The following CADM2 variants were observed in gnomAD, a reference collection of about 807,000 sequenced individuals.
CADM2 encodes cell adhesion molecule 2.
Under a neutral mutation model 49.8 loss-of-function variants are expected in CADM2, and 12 were observed. The observed-to-expected ratio is 0.24, with a 90% confidence interval of 0.15 to 0.39. The LOEUF (loss-of-function observed/expected upper bound fraction) is 0.39. CADM2 is among the 10% of genes least tolerant of loss of function. CADM2 has a pLI of 1.00. For missense variants in CADM2, 378 were observed against 492.3 expected (o/e 0.77, Z 2.20); for synonymous variants, 214 against 175.4 (o/e 1.22, Z -1.74).
chr3:85,467,758 C>A (rs958830729), intron 1 of CADM2, among the ~76,000 whole-genome samples: 1 of 152,088 alleles, frequency 6.6e-6, no homozygotes, highest in African/African-American at 2.4e-5. Flanking sequence ...ACACATACAC[C>A]ATTTTATCTT....
chr3:85,284,331 A>T (rs989292147), intron 1 of CADM2, among the ~76,000 whole-genome samples: 2 of 152,126 alleles, frequency 1.3e-5, no homozygotes, highest in African/African-American at 4.8e-5. Flanking sequence ...ATTTCCATGG[A>T]TATAGAAAAA....
chr3:85,839,874 TG>T (rs980671714), intron 3 of CADM2, among the ~76,000 whole-genome samples: 1 of 151,934 alleles, frequency 6.6e-6, no homozygotes, highest in Non-Finnish European at 1.5e-5. Context: ...CATTGCCATC[TG>T]AGAGTTCCGA....
At chr3:85,111,817 G>A (rs951668646) in intron 1 of CADM2, among the ~76,000 whole-genome samples, 3 of 151,814 alleles carry the variant, frequency 2.0e-5, no homozygotes. Flanking sequence ...TTAAGGAAAT[G>A]CCATCAACTT....
intron 8 of CADM2, among the ~76,000 whole-genome samples, chr3:86,025,953 C>A (rs907712187): frequency 4.0e-5 from 6 of 151,882 alleles, no homozygotes; most frequent in Non-Finnish European, 7.4e-5. Flanking sequence ...TTACAGCAGT[C>A]CAAAAGAGAA....
intron 3 of CADM2, among the ~76,000 whole-genome samples, chr3:85,820,963 C>A (rs1418053075): frequency 6.6e-6 from 1 of 152,100 alleles, no homozygotes. Flanking sequence ...ATTTGACTTG[C>A]AGAATTCTAC....
intron 1 of CADM2, among the ~76,000 whole-genome samples, chr3:85,254,534 C>G (rs942347775): frequency 2.0e-5 from 3 of 152,036 alleles, no homozygotes; most frequent in African/African-American, 7.2e-5. Context: ...ACCTAGAGTC[C>G]TGAGTCACCA....
chr3:85,384,845 GA>G (rs2034127209), intron 1 of CADM2, among the ~76,000 whole-genome samples: 1 of 151,472 alleles, frequency 6.6e-6, no homozygotes, highest in South Asian at 2.1e-4. Context: ...TTTATTTCAG[GA>G]AAAAAGAAAG....
At chr3:85,245,284 G>A (rs1055965199) in intron 1 of CADM2, among the ~76,000 whole-genome samples, 1 of 152,134 alleles carries the variant, frequency 6.6e-6, no homozygotes, top group Non-Finnish European at 1.5e-5. Context: ...AGGCCGAGGC[G>A]GGCGGATCAC....
At chr3:85,502,534 A>C (rs1279214251) in intron 1 of CADM2, among the ~76,000 whole-genome samples, 1 of 152,140 alleles carries the variant, frequency 6.6e-6, no homozygotes, top group African/African-American at 2.4e-5. Flanking sequence ...CCAATAACTT[A>C]ATTATCTGCA....
chr3:85,751,572 T>C (rs1406971567), intron 2 of CADM2, among the ~76,000 whole-genome samples: 7 of 152,180 alleles, frequency 4.6e-5, no homozygotes, highest in Admixed American at 4.6e-4. Context: ...ATTTAACATG[T>C]GTTTCTCAGA....
chr3:85,311,123 G>A (rs964471289), intron 1 of CADM2, among the ~76,000 whole-genome samples: 2 of 151,498 alleles, frequency 1.3e-5, no homozygotes, highest in Non-Finnish European at 2.9e-5. Context: ...CTCATAATTC[G>A]GCATATATGT....
rs137915574 is a variant in CADM2, at chr3:85,657,472, A to G, written c.62-69050A>G. Reference sequence around the variant, plus strand: ...AATCTTAGTCAAATTACCATGAGAAAAGAGGGAATGTAATGTTTCTGTCTC... The same window carrying G: ...AATCTTAGTCAAATTACCATGAGAAGAGAGGGAATGTAATGTTTCTGTCTC... On this transcript the variant is annotated intron_variant, in intron 1 of 9. Coordinates refer to ENST00000383699, the MANE Select transcript of CADM2 (RefSeq NM_001167675.2). Among the ~76,000 whole-genome samples the G allele has an allele frequency of 2.6e-3, 398 of 152,088 alleles. 4 individuals are homozygous for G. Among genetic ancestry groups the G allele is most frequent in the African/African-American group, 9.2e-3 (384 of 41,536 alleles).
intron 1 of CADM2, among the ~76,000 whole-genome samples, chr3:85,580,995 T>C (rs2062778069): frequency 6.6e-6 from 1 of 152,088 alleles, no homozygotes; most frequent in South Asian, 2.1e-4. Flanking sequence ...AGAAGTATAT[T>C]TGAAGTCTAG....
intron 1 of CADM2, among the ~76,000 whole-genome samples, chr3:84,983,652 G>A (rs2032348707): frequency 6.6e-6 from 1 of 152,064 alleles, no homozygotes; most frequent in Non-Finnish European, 1.5e-5. Flanking sequence ...ATACACAATG[G>A]CCTTCAGTGA....
chr3:85,912,630 A>G (rs1306170021), intron 6 of CADM2, 87 bp downstream of exon 6: 2 of 1,342,542 alleles, frequency 1.5e-6, no homozygotes, highest in Non-Finnish European at 2.1e-6. Context: ...ACCTGAAGTT[A>G]TAGCAAAGGT....
chr3:86,038,770 G>A (rs1340289367), intron 8 of CADM2, among the ~76,000 whole-genome samples: 1 of 152,052 alleles, frequency 6.6e-6, no homozygotes, highest in East Asian at 1.9e-4. Flanking sequence ...AGCTTATGAA[G>A]TAAATGTCAC....
intron 1 of CADM2, among the ~76,000 whole-genome samples, chr3:85,525,780 C>T (rs1034962707): frequency 6.6e-6 from 1 of 151,804 alleles, no homozygotes; most frequent in Non-Finnish European, 1.5e-5. Context: ...TTTTAAATCG[C>T]TTTTTGGGTT....
intron 1 of CADM2, among the ~76,000 whole-genome samples, chr3:85,485,345 C>A (rs2039374210): frequency 6.6e-6 from 1 of 151,912 alleles, no homozygotes; most frequent in South Asian, 2.1e-4. Context: ...TTTAGATTTG[C>A]CTGTCTTTAA....
intron 2 of CADM2, among the ~76,000 whole-genome samples, chr3:85,755,746 C>T (rs1704695921): frequency 1.3e-5 from 2 of 151,990 alleles, no homozygotes; most frequent in African/African-American, 4.8e-5. Flanking sequence ...CTCCTGAGAA[C>T]TCACTATCAT....
Sources: gnomAD v4.1 joint callset for allele counts (sites outside exome capture counted in the v4.1 genomes callset) on GRCh38, gnomAD v4.1.1 for gene constraint, MANE v1.5 for transcripts, NCBI Gene and HGNC (gene_info 2026-07-23, HGNC 2026-07-21) for gene names.